ACIN1: variants seen among roughly 807,000 people sequenced by gnomAD.
ACIN1 encodes the protein apoptotic chromatin condensation inducer in the nucleus.
ACIN1 carries 16 observed loss-of-function variants against 146.6 expected under a neutral mutation model. The observed-to-expected ratio is 0.11, with a 90% CI of 0.07 to 0.17. ACIN1 has a LOEUF of 0.17. Ranked by LOEUF, ACIN1 falls within the 10% of genes least tolerant of loss-of-function variation. ACIN1 has a pLI of 1.00. For missense variants in ACIN1, 1,357 were observed against 1,609.3 expected (o/e 0.84, Z 2.68); for synonymous variants, 569 against 582.7 (o/e 0.98, Z 0.34).
At chr14:23,069,254 CT>C (rs1220297468) in intron 9 of ACIN1, 11 of 1,241,590 alleles carry the variant, frequency 8.9e-6, no homozygotes, top group Middle Eastern at 6.2e-4. Flanking sequence ...CTGGGCACTA[CT>C]TCCCCAACAA....
At chr14:23,072,315 G>T (rs560047759) in intron 8 of ACIN1, among the ~76,000 whole-genome samples, 9 of 152,228 alleles carry the variant, frequency 5.9e-5, no homozygotes, top group African/African-American at 2.2e-4. Context: ...GGGTCCACTC[G>T]GGCCAGAAAA....
chr14:23,061,057 G>A (rs1408750952), intron 18 of ACIN1, 27 bp downstream of exon 18: 2 of 1,604,902 alleles, frequency 1.2e-6, no homozygotes, highest in Admixed American at 1.7e-5. Flanking sequence ...TGCCACTAGG[G>A]AGCAGGGCAC....
chr14:23,066,686 G>A (rs2047467571), intron 9 of ACIN1, among the ~76,000 whole-genome samples: 1 of 152,154 alleles, frequency 6.6e-6, no homozygotes, highest in South Asian at 2.1e-4. Context: ...GATAAAGGAA[G>A]GTTTTTATGA....
chr14:23,063,246 A>G (rs969921440), intron 13 of ACIN1, 172 bp from the exon 14 acceptor site: 1 of 1,095,952 alleles, frequency 9.1e-7, no homozygotes, highest in African/African-American at 1.6e-5. Context: ...CCTCCTCATC[A>G]TGGAGATTCA....
Position 23,064,412 on chromosome 14 carries a change from G to A in ACIN1, c.2385C>T (p.Ala795=), listed in dbSNP as rs1437524372. Residue 795 remains alanine (A), a synonymous_variant, in exon 11 of 19, where the codon GCC becomes GCT. Transcript: ENST00000605057. ...GTTTCTTCTGTGTGGTGGCTGTGCT[G>A]GCTCCCCAGCGTCGTTTCCGACCAG... The part of the protein sequence containing the change: ...GQPGRKRRWG[A]STATTQKKPS... The A allele has an allele frequency of 1.2e-6, 2 of 1,614,272 alleles. No homozygotes were observed. The highest frequency in any genetic ancestry group is 1.7e-5 in the Admixed American group (1 of 60,036).
chr14:23,094,439 T>TA, intron 1 of ACIN1: 2 of 983,094 alleles, frequency 2.0e-6, no homozygotes, highest in Non-Finnish European at 2.4e-6. Context: ...GCCACTAAAT[T>TA]AGAGACCTCT....
At chr14:23,062,088 C>A (rs1279540849) in intron 16 of ACIN1, 80 bp downstream of exon 16, 18 of 1,186,378 alleles carry the variant, frequency 1.5e-5, no homozygotes. Context: ...GACTGCAGGT[C>A]TGGCAAGGAT....
chr14:23,063,687 C>T lies in ACIN1; in HGVS notation c.2596-110G>A, dbSNP rs548249398. On this transcript the variant is annotated intron_variant, in intron 12 of 18. Transcript: ENST00000605057. ...AGCAGTCAATCTAGCATGTTCCTTC[C>T]GCTAGGGGTATTTCGTTATCGGCTC... 8.1e-4 allele frequency: 1,019 copies of T among 1,263,328 alleles called. 20 individuals carry two copies. In the South Asian group the frequency reaches 0.013, roughly 16 times the overall value. 78.3% of individuals were successfully genotyped at this position (1,263,328 alleles called of 1,614,324 possible). A position where few individuals can be genotyped will look rare whatever the true frequency, so the allele number is the denominator to read the frequency against.
Position 23,090,526 on chromosome 14 carries a change from A to G in ACIN1, c.312T>C (p.Leu104=). The G allele has an allele frequency of 6.2e-7, 1 of 1,613,852 alleles. No individual in the cohort carries two copies. Among genetic ancestry groups the G allele is most frequent in the South Asian group, 1.1e-5 (1 of 91,050 alleles). The change falls in exon 3 of 19, where the codon CTT becomes CTC. Residue 104 remains leucine, a synonymous_variant. Coordinates refer to ENST00000605057, the MANE Select transcript of ACIN1 (RefSeq NM_001386863.1). ...LEREAREAAE[L]EEASAESEDE... ...AAAGTGACAATCTGGGCTTACCTTC[A>G]AGTTCTGCAGCTTCTCGAGCTTCAC...
Position 23,079,708 on chromosome 14 carries a change from A to G in ACIN1, c.1627T>C (p.Ser543Pro), listed in dbSNP as rs754985438. Residue 543 changes from serine (S) to proline (P), a missense_variant, in exon 6 of 19, where the codon TCT (serine) becomes CCT (proline). Physicochemically the swap from Ser to Pro is moderately conservative, Grantham distance 74. Around this residue, in one of 4 missense-constraint regions of ACIN1, gnomAD observed 771 missense variants for 746.6 expected, o/e 1.03. Coordinates refer to ENST00000605057, the MANE Select transcript of ACIN1 (RefSeq NM_001386863.1). ...SRSRSPDSSG[S>P]RSHSPLRSKQ... Reference sequence around the variant, plus strand: ...GATCTGAGCGGTGAATGAGACCGAGAACCTGAACTGTCAGGAGAGCGAGAT... The same window carrying G: ...GATCTGAGCGGTGAATGAGACCGAGGACCTGAACTGTCAGGAGAGCGAGAT... 2 of 1,614,036 alleles carry G rather than the reference A, an allele frequency of 1.2e-6. No individual in the cohort carries two copies. The highest frequency in any genetic ancestry group is 2.7e-5 in the African/African-American group (2 of 74,914).
intron 8 of ACIN1, 31 bp from the exon 9 acceptor site, chr14:23,069,648 G>GGGGGGGGGGGGGC: frequency 6.8e-6 from 4 of 589,348 alleles, no homozygotes; most frequent in Non-Finnish European, 1.3e-5. Flanking sequence ...TGGTGGGGGG[G>GGGGGGGGGGGGGC]CGGGCAGAAA....
At chr14:23,064,903 A>AAAAAAAAG (rs2047402608) in intron 10 of ACIN1, among the ~76,000 whole-genome samples, 1 of 151,860 alleles carries the variant, frequency 6.6e-6, no homozygotes, top group South Asian at 2.1e-4. Context: ...TCTCAAAAAA[A>AAAAAAAAG]AAAAAAGAAA....
rs1176041330 is a variant in ACIN1, at chr14:23,061,165, T to G, written c.3444A>C (p.Pro1148=). 2 of 1,614,154 alleles carry G rather than the reference T, an allele frequency of 1.2e-6. No homozygotes were observed. Among genetic ancestry groups the G allele is most frequent in the Admixed American group, 1.7e-5 (1 of 60,024 alleles). Residue 1148 remains proline (P), a synonymous_variant, in exon 18 of 19, where the codon CCA becomes CCC. Transcript: ENST00000605057. The part of the protein sequence containing the change: ...SEKKEKAQEE[P]PAKLLDDLFR... ...AAAGGTCATCCAGCAGCTTGGCAGG[T>G]GGTTCCTCCTGGGCTTTCTCTGAGG...
intron 10 of ACIN1, among the ~76,000 whole-genome samples, chr14:23,065,575 G>C (rs1346292113): frequency 6.6e-6 from 1 of 152,174 alleles, no homozygotes; most frequent in African/African-American, 2.4e-5. Context: ...GTACTACAGA[G>C]GGAGACTCCG....
At chr14:23,075,634 CT>C (rs1208957275) in intron 8 of ACIN1, among the ~76,000 whole-genome samples, 5 of 149,866 alleles carry the variant, frequency 3.3e-5, no homozygotes, top group Non-Finnish European at 7.4e-5. Context: ...CTTTACTGCT[CT>C]GTTTTTTAAA....
At chr14:23,084,508 G>A (rs563197956) in intron 4 of ACIN1, among the ~76,000 whole-genome samples, 15 of 152,112 alleles carry the variant, frequency 9.9e-5, no homozygotes, top group East Asian at 7.8e-4. Context: ...TACTCAGGGG[G>A]CTGAGGCAGA....
At chr14:23,076,156 G>A (rs1320052494) in intron 8 of ACIN1, among the ~76,000 whole-genome samples, 1 of 152,192 alleles carries the variant, frequency 6.6e-6, no homozygotes. Flanking sequence ...CTCCAGAAAT[G>A]TATGCAACCT....
chr14:23,093,651 CAATT>C, intron 1 of ACIN1, 107 bp from the exon 2 acceptor site: 1 of 888,164 alleles, frequency 1.1e-6, no homozygotes, highest in Non-Finnish European at 1.8e-6. Flanking sequence ...TAAATACACA[CAATT>C]AAACTGTATT....
chr14:23,067,747 A>C lies in ACIN1; in HGVS notation c.2265+1729T>G, dbSNP rs141922160. 736 of 985,868 alleles carry C rather than the reference A, an allele frequency of 7.5e-4. 4 individuals are homozygous for C. In the African/African-American group the frequency reaches 0.011, roughly 15 times the overall value. The allele number at this position is 985,868 out of a possible 1,614,324, so 61.1% of individuals were successfully genotyped here. On this transcript the variant is annotated intron_variant, in intron 9 of 18. Coordinates refer to ENST00000605057, the MANE Select transcript of ACIN1 (RefSeq NM_001386863.1). The surrounding 1 kb of genome is among the most constrained non-coding windows in gnomAD (Gnocchi z 4.6). ...CCACCAGTGGCAAGCTGCAGCAATA[A>C]CACCACCCAATACTTGGAATCCAGG...
Sources: gnomAD v4.1 joint callset for allele counts (sites outside exome capture counted in the v4.1 genomes callset) on GRCh38, gnomAD v4.1.1 for gene constraint, gnomAD v4.1.1 regional missense constraint, Gnocchi (gnomAD v3.1) non-coding constraint, MANE v1.5 for transcripts, NCBI Gene and HGNC (gene_info 2026-07-23, HGNC 2026-07-21) for gene names.